The following VPS13A variants were observed in gnomAD, a reference collection of about 807,000 sequenced individuals.
VPS13A encodes the protein intermembrane lipid transfer protein VPS13A.
A neutral mutation model predicts 390.9 loss-of-function variants in VPS13A; 264 were observed. That is an observed-to-expected ratio of 0.68 (90% CI 0.61 to 0.75). The LOEUF is 0.75. Among genes scored for constraint, VPS13A ranks in the 30% least tolerant of loss-of-function variants. VPS13A has a pLI of 0.00. For missense variants in VPS13A, 3,409 were observed against 3,733.9 expected (o/e 0.91, Z 2.27); for synonymous variants, 1,231 against 1,227.1 (o/e 1.00, Z -0.07).
At chr9:77,405,742 T>C (rs1341696050) in intron 69 of VPS13A, 122 bp from the exon 70 acceptor site, 61 of 1,257,072 alleles carry the variant, frequency 4.9e-5, no homozygotes, top group Non-Finnish European at 6.5e-5. Context: ...ATTAAGAATA[T>C]AGAATATAGT....
At chr9:77,308,168 CCCTT>C (rs1243305699) in intron 35 of VPS13A, 70 bp downstream of exon 35, 11 of 1,519,588 alleles carry the variant, frequency 7.2e-6, no homozygotes, top group Non-Finnish European at 1.0e-5. Flanking sequence ...TTCTTCCCTC[CCCTT>C]CCTTCTGTCT....
In VPS13A at chr9:77,219,974, A is replaced by G. The variant is rs41307461; in HGVS notation, c.775A>G (p.Asn259Asp). 5,914 of 1,613,546 alleles carry G rather than the reference A, an allele frequency of 3.7e-3. 25 individuals are homozygous for G. Among genetic ancestry groups the G allele is most frequent in the Non-Finnish European group, 4.6e-3 (5,403 of 1,179,646 alleles). ...TTCAGTATTTCGTCCCATATCTGCT[A>G]ATGCCAAACTTGTGATGAATCGCCG... ...YDFVFRPISANAKLVMNRRSD... is the reference protein window; with the variant it reads ...YDFVFRPISADAKLVMNRRSD... Residue 259 changes from asparagine (N) to aspartate (D), a missense_variant, in exon 11 of 72, where the codon AAT (asparagine) becomes GAT (aspartate). Asn to Asp is a conservative substitution (Grantham distance 23). Coordinates refer to ENST00000360280, the MANE Select transcript of VPS13A (RefSeq NM_033305.3).
intron 68 of VPS13A, chr9:77,385,092 A>AT: frequency 1.0e-6 from 1 of 993,194 alleles, no homozygotes; most frequent in Non-Finnish European, 1.2e-6. Context: ...GTAAAAAAAA[A>AT]GGAAGAAAAT....
At chr9:77,397,902 G>GA (rs1221660191) in intron 68 of VPS13A, among the ~76,000 whole-genome samples, 7 of 151,994 alleles carry the variant, frequency 4.6e-5, no homozygotes, top group Middle Eastern at 3.4e-3. Flanking sequence ...TGAATAAGGC[G>GA]AAAAAAATGT....
chr9:77,295,763 T>G lies in VPS13A; in HGVS notation c.3729T>G (p.Phe1243Leu). Residue 1243 changes from phenylalanine to leucine, a missense_variant, in exon 33 of 72, where the codon TTT becomes TTG. This residue lies in a region of VPS13A where 2,717 missense variants were observed against 2,917.4 expected (regional missense o/e 0.93). Coordinates refer to ENST00000360280, the MANE Select transcript of VPS13A (RefSeq NM_033305.3). ...GACTAATTACAATGACAAATACCTTTCATATGATAACAGAGAGCCAGAGCT... is the reference window on the plus strand; with the variant it reads ...GACTAATTACAATGACAAATACCTTGCATATGATAACAGAGAGCCAGAGCT... ...DFGLITMTNT[F>L]HMITESQSSP... 1 of 1,614,062 alleles carries G rather than the reference T, an allele frequency of 6.2e-7. No individual in the cohort carries two copies. The highest frequency in any genetic ancestry group is 8.5e-7 in the Non-Finnish European group (1 of 1,179,962).
At chr9:77,303,111 T>C in intron 34 of VPS13A, 49 bp downstream of exon 34, 1 of 1,603,460 alleles carries the variant, frequency 6.2e-7, no homozygotes, top group East Asian at 2.2e-5. Context: ...TGTTGAAAAA[T>C]ACTGCTTGGG....
At chr9:77,321,826 A>C in intron 44 of VPS13A, 80 bp downstream of exon 44, 4 of 1,533,740 alleles carry the variant, frequency 2.6e-6, no homozygotes, top group Non-Finnish European at 2.7e-6. Context: ...CTTTTGTAGA[A>C]TCTTAGCAAG....
intron 33 of VPS13A, among the ~76,000 whole-genome samples, chr9:77,301,448 G>A (rs1828349096): frequency 6.6e-6 from 1 of 152,200 alleles, no homozygotes; most frequent in African/African-American, 2.4e-5. Flanking sequence ...GCATATGTAA[G>A]TTTGGTGTCA....
At chr9:77,296,905 C>G (rs1296739679) in intron 33 of VPS13A, among the ~76,000 whole-genome samples, 2 of 151,916 alleles carry the variant, frequency 1.3e-5, no homozygotes, top group African/African-American at 4.8e-5. Context: ...AGAATTTATC[C>G]ATTTCATCTA....
intron 61 of VPS13A, 38 bp from the exon 62 acceptor site, chr9:77,368,017 A>G: frequency 6.5e-7 from 1 of 1,541,794 alleles, no homozygotes; most frequent in Non-Finnish European, 8.9e-7. Flanking sequence ...CTTTCTTCAT[A>G]CACATGTACA....
At position 77,337,249 on chromosome 9, in the gene VPS13A, A is replaced by T. The variant is rs920754514; in HGVS notation, c.6096-6A>T. 1 of 1,609,704 alleles carries T rather than the reference A, an allele frequency of 6.2e-7. No homozygotes were observed. The highest frequency in any genetic ancestry group is 1.1e-5 in the South Asian group (1 of 90,778). On this transcript the variant is annotated splice_polypyrimidine_tract_variant and splice_region_variant and intron_variant, in intron 46 of 71. Coordinates refer to ENST00000360280, the MANE Select transcript of VPS13A (RefSeq NM_033305.3). ...ATTTTAAACTGTATCATTTAATCTCATGCAGATCATTCATTTTTCTGAAGC... is the reference window on the plus strand; with the variant it reads ...ATTTTAAACTGTATCATTTAATCTCTTGCAGATCATTCATTTTTCTGAAGC...
Position 77,353,396 on chromosome 9 carries a change from G to C in VPS13A, c.7420-13G>C. 6.8e-7 allele frequency: 1 copy of C among 1,476,014 alleles called. No homozygotes were observed. The highest frequency in any genetic ancestry group is 9.2e-7 in the Non-Finnish European group (1 of 1,090,554). 91.4% of individuals were successfully genotyped at this position (1,476,014 alleles called of 1,614,324 possible). A position where few individuals can be genotyped will look rare whatever the true frequency, so the allele number is the denominator to read the frequency against. ...TTTTTGGTTTTTTTTTTTTTTTGGTGGTTTTATTCTAGGATATGATGATGC... is the reference window on the plus strand; with the variant it reads ...TTTTTGGTTTTTTTTTTTTTTTGGTCGTTTTATTCTAGGATATGATGATGC... On this transcript the variant is annotated splice_polypyrimidine_tract_variant and intron_variant, in intron 53 of 71. Transcript: ENST00000360280.
intron 35 of VPS13A, among the ~76,000 whole-genome samples, chr9:77,308,754 C>G (rs549554497): frequency 2.1e-4 from 32 of 152,264 alleles, no homozygotes; most frequent in Non-Finnish European, 3.5e-4. Flanking sequence ...AGTTCTCATT[C>G]TGGCATTATA....
intron 3 of VPS13A, among the ~76,000 whole-genome samples, chr9:77,204,039 A>G (rs767072686): frequency 5.1e-4 from 77 of 152,298 alleles, no homozygotes; most frequent in Non-Finnish European, 9.8e-4. Flanking sequence ...AAAATATAAA[A>G]AAGAAATCAG....
chr9:77,377,015 G>A (rs1833116899), intron 67 of VPS13A, among the ~76,000 whole-genome samples: 1 of 152,098 alleles, frequency 6.6e-6, no homozygotes, highest in Admixed American at 6.5e-5. Flanking sequence ...GATGCAGATG[G>A]CATTGAATCT....
intron 23 of VPS13A, among the ~76,000 whole-genome samples, chr9:77,270,136 C>T (rs1295881414): frequency 1.3e-5 from 2 of 152,120 alleles, no homozygotes; most frequent in Non-Finnish European, 2.9e-5. Context: ...TGAGTTGTTG[C>T]TTAACAAGCA....
intron 1 of VPS13A, among the ~76,000 whole-genome samples, chr9:77,185,181 C>T (rs1039645929): frequency 6.6e-5 from 10 of 151,370 alleles, no homozygotes; most frequent in Admixed American, 3.9e-4. Context: ...CTCGCTCTGT[C>T]GCCAGGCTGG....
chr9:77,349,607 T>C (rs538290828), intron 52 of VPS13A, among the ~76,000 whole-genome samples: 19 of 152,268 alleles, frequency 1.2e-4, no homozygotes, highest in Non-Finnish European at 2.2e-4. Context: ...ATTTCAACTT[T>C]TATAATTTTA....
chr9:77,294,549 C>T (rs1287721998), intron 32 of VPS13A, among the ~76,000 whole-genome samples: 1 of 152,090 alleles, frequency 6.6e-6, no homozygotes, highest in African/African-American at 2.4e-5. Context: ...TTTGCGTGTT[C>T]ATTTGAATGT....
Sources: gnomAD v4.1 joint callset for allele counts (sites outside exome capture counted in the v4.1 genomes callset) on GRCh38, gnomAD v4.1.1 for gene constraint, gnomAD v4.1.1 regional missense constraint, MANE v1.5 for transcripts, NCBI Gene and HGNC (gene_info 2026-07-23, HGNC 2026-07-21) for gene names.